Variants in AGO1 observed in about 807,000 individuals in gnomAD.
AGO1 encodes the protein protein argonaute-1.
Under a neutral mutation model 109.2 loss-of-function variants are expected in AGO1, and 11 were observed. That is an observed-to-expected ratio of 0.10 (90% CI 0.06 to 0.17). AGO1 has a LOEUF of 0.17. Among genes scored for constraint, AGO1 ranks in the 10% least tolerant of loss-of-function variants. The pLI is 1.00. For synonymous variants in AGO1, 422 were observed against 418.6 expected, an observed-to-expected ratio of 1.01 and a Z score of -0.10; for missense variants, 574 against 1,140.3, an observed-to-expected ratio of 0.50 and a Z score of 7.15.
chr1:35,918,563 T>G (rs1006498867), intron 17 of AGO1, 140 bp downstream of exon 17: 1 of 819,346 alleles, frequency 1.2e-6, no homozygotes, highest in African/African-American at 1.7e-5. Flanking sequence ...TTTGTTTTGT[T>G]TTGAGGCGGA....
In AGO1 at chr1:35,924,574, A is replaced by T. The variant is rs1645892407; in HGVS notation, c.*4967A>T. On this transcript the variant is annotated 3_prime_UTR_variant, in exon 19 of 19. Transcript: ENST00000373204. ...ATGATTAGCCAAATAGTCCCCTGGCATAGGAGGAAGATAATGAGGGAGTGG... is the reference window on the plus strand; with the variant it reads ...ATGATTAGCCAAATAGTCCCCTGGCTTAGGAGGAAGATAATGAGGGAGTGG... 1.3e-5 allele frequency: 2 copies of T among 152,172 alleles called. No homozygotes were observed. 9.4% of individuals were successfully genotyped at this position (152,172 alleles called of 1,614,324 possible).
rs201597629 is a variant in AGO1 at position 35,870,567 on chromosome 1, C to T, written c.-201+664C>T. Among the ~76,000 whole-genome samples the T allele has an allele frequency of 4.0e-3, 616 of 152,310 alleles. 2 individuals carry two copies. Among genetic ancestry groups the T allele is most frequent in the Middle Eastern group, 0.02 (6 of 294 alleles). On this transcript the variant is annotated intron_variant, in intron 1 of 18. Coordinates refer to the AGO1 transcript ENST00000373206. ...AAAGTGCTGGGATTACAGGCGTGAG[C>T]CACCGCGCCTGGCCATATGTATGTT... is the stretch of plus-strand genomic sequence containing the variant.
chr1:35,880,973 T>C (rs1243767709), upstream of AGO1, among the ~76,000 whole-genome samples: 1 of 152,182 alleles, frequency 6.6e-6, no homozygotes, highest in African/African-American at 2.4e-5. Flanking sequence ...GAAGTGTTTT[T>C]ATGTATTAAC....
Position 35,903,258 on chromosome 1 carries a change from G to A in AGO1, c.1397+921G>A, listed in dbSNP as rs186710264. 1.2e-3 allele frequency among the ~76,000 whole-genome samples: 180 copies of A among 151,606 alleles called. 2 individuals carry two copies. Among genetic ancestry groups the A allele is most frequent in the African/African-American group, 4.0e-3 (166 of 41,342 alleles). ...CCTGACCTCGTGATCCTCCTGCTTC[G>A]GTCTCCCAAAGTGCTGGGATTATAG... On this transcript the variant is annotated intron_variant, in intron 11 of 18. Transcript: ENST00000373204.
Position 35,918,014 on chromosome 1 carries a change from ACTC to A in AGO1, c.2163+293_2163+295del, listed in dbSNP as rs368313581. 2.5e-3 allele frequency among the ~76,000 whole-genome samples: 385 copies of A among 151,710 alleles called. 3 individuals are homozygous for A. The highest frequency in any genetic ancestry group is 8.8e-3 in the African/African-American group (363 of 41,342). On this transcript the variant is annotated intron_variant, in intron 16 of 18. Coordinates refer to ENST00000373204, the MANE Select transcript of AGO1 (RefSeq NM_012199.5). ...GGGGAAGGGAACTACCATTTATTGAACTCCTCCTATGTGCCAGATACTGTACAA... is the reference window on the plus strand; with the variant it reads ...GGGGAAGGGAACTACCATTTATTGAACTCCTATGTGCCAGATACTGTACAA...
At chr1:35,879,214 C>T (rs1198509522), upstream of AGO1, among the ~76,000 whole-genome samples, 2 of 152,190 alleles carry the variant, frequency 1.3e-5, no homozygotes, top group Admixed American at 1.3e-4. Flanking sequence ...CTTTGGGAGG[C>T]CGAGGCGGGT....
upstream of AGO1, among the ~76,000 whole-genome samples, chr1:35,881,980 G>C (rs1446922501): frequency 1.3e-5 from 2 of 152,222 alleles, no homozygotes; most frequent in African/African-American, 4.8e-5. Flanking sequence ...GAAACCATCA[G>C]AATGGCAGTG....
chr1:35,905,536 C>G (rs559121567), intron 11 of AGO1, among the ~76,000 whole-genome samples: 1 of 152,102 alleles, frequency 6.6e-6, no homozygotes, highest in African/African-American at 2.4e-5. Flanking sequence ...GGCGCAATCT[C>G]GGCTCACTGC....
In AGO1 at chr1:35,919,425, C is replaced by A; in HGVS notation, c.2466-74C>A. On this transcript the variant is annotated intron_variant, in intron 18 of 18. Coordinates refer to ENST00000373204, the MANE Select transcript of AGO1 (RefSeq NM_012199.5). The surrounding 1 kb of genome is among the most constrained non-coding windows in gnomAD (Gnocchi z 6.6). ...TTAAGTTGGTATGGGAATTGGCATC[C>A]CAGGGCTGGGCGAGGGAATTAGCAG... 1 of 1,509,580 alleles carries A rather than the reference C, an allele frequency of 6.6e-7. No homozygotes were observed. Among genetic ancestry groups the A allele is most frequent in the Non-Finnish European group, 9.0e-7 (1 of 1,109,918 alleles). 93.5% of individuals were successfully genotyped at this position (1,509,580 alleles called of 1,614,324 possible).
rs1207790449 is a variant in AGO1 at position 35,924,372 on chromosome 1, T to G, written c.*4765T>G. 1.3e-5 allele frequency: 2 copies of G among 152,626 alleles called. No individual in the cohort carries two copies. The highest frequency in any genetic ancestry group is 2.9e-5 in the Non-Finnish European group (2 of 68,062). The allele number at this position is 152,626 out of a possible 1,614,324, so 9.5% of individuals were successfully genotyped here. On this transcript the variant is annotated 3_prime_UTR_variant, in exon 19 of 19. Coordinates refer to ENST00000373204, the MANE Select transcript of AGO1 (RefSeq NM_012199.5). ...GACTGATTACATCTCTAATAGATTT[T>G]AGGTGAGAATAATACTGTAGATTGT...
At chr1:35,906,247 G>T (rs1237013460) in intron 11 of AGO1, among the ~76,000 whole-genome samples, 1 of 152,156 alleles carries the variant, frequency 6.6e-6, no homozygotes, top group Non-Finnish European at 1.5e-5. Flanking sequence ...CATCTCTTGT[G>T]CTCCCATCAC....
intron 12 of AGO1, among the ~76,000 whole-genome samples, chr1:35,907,525 C>T (rs1457818486): frequency 1.3e-5 from 2 of 152,092 alleles, no homozygotes; most frequent in Non-Finnish European, 2.9e-5. Context: ...ATTACTTGGA[C>T]TTTTTGAGAG....
In AGO1 at chr1:35,929,187, C is replaced by G. The variant is rs1305566237; in HGVS notation, c.*9580C>G. ...GGGTGTACATGTAGTCAGGAGAGAGCCTCATACAGCTTTGCCTTTGGCAGA... is the reference window on the plus strand; with the variant it reads ...GGGTGTACATGTAGTCAGGAGAGAGGCTCATACAGCTTTGCCTTTGGCAGA... On this transcript the variant is annotated 3_prime_UTR_variant, in exon 19 of 19. Coordinates refer to ENST00000373204, the MANE Select transcript of AGO1 (RefSeq NM_012199.5). 1 of 152,258 alleles carries G rather than the reference C, an allele frequency of 6.6e-6. No homozygotes were observed. Among genetic ancestry groups the G allele is most frequent in the Non-Finnish European group, 1.5e-5 (1 of 68,056 alleles). The allele number at this position is 152,258 out of a possible 1,614,324, so 9.4% of individuals were successfully genotyped here.
chr1:35,873,925 G>A (rs982457493), intron 1 of AGO1, among the ~76,000 whole-genome samples: 1 of 152,140 alleles, frequency 6.6e-6, no homozygotes, highest in African/African-American at 2.4e-5. Flanking sequence ...TTTACAAATT[G>A]AAGGTTTTTA....
At chr1:35,909,467 G>A (rs1056113821) in intron 12 of AGO1, among the ~76,000 whole-genome samples, 1 of 152,178 alleles carries the variant, frequency 6.6e-6, no homozygotes, top group Non-Finnish European at 1.5e-5. Context: ...TCTTGTCTGT[G>A]GTTTTCAGTC....
chr1:35,905,165 C>T (rs1392835290), intron 11 of AGO1, among the ~76,000 whole-genome samples: 2 of 152,110 alleles, frequency 1.3e-5, no homozygotes, highest in African/African-American at 4.8e-5. Context: ...AACGTCTTTC[C>T]TTGAAGTTGA....
chr1:35,914,637 C>T (rs1447376593), intron 14 of AGO1, among the ~76,000 whole-genome samples: 2 of 152,152 alleles, frequency 1.3e-5, no homozygotes, highest in Non-Finnish European at 2.9e-5. Context: ...TTGCTCTGCC[C>T]ATCCTCACCC....
chr1:35,901,637 A>G lies in AGO1; in HGVS notation c.1140+44A>G, dbSNP rs1219313911. 1 of 1,612,758 alleles carries G rather than the reference A, an allele frequency of 6.2e-7. No homozygotes were observed. The highest frequency in any genetic ancestry group is 1.1e-5 in the South Asian group (1 of 90,878). On this transcript the variant is annotated intron_variant, in intron 9 of 18. Coordinates refer to ENST00000373204, the MANE Select transcript of AGO1 (RefSeq NM_012199.5). The surrounding 1 kb of genome is among the most constrained non-coding windows in gnomAD (Gnocchi z 4.8). ...TTGCTCAGTCATTGGGGCCATTGGT[A>G]GCATAAATGTTTTAATGCCCCAGCA...
chr1:35,908,574 AG>A (rs1645570586), intron 12 of AGO1, among the ~76,000 whole-genome samples: 1 of 152,134 alleles, frequency 6.6e-6, no homozygotes, highest in Non-Finnish European at 1.5e-5. Flanking sequence ...TGAATAAAAC[AG>A]ATATAGTCTC....
Sources: allele counts gnomAD v4.1 joint callset (sites outside exome capture counted in the v4.1 genomes callset), GRCh38; gene constraint gnomAD v4.1.1; non-coding constraint Gnocchi (gnomAD v3.1); transcripts MANE v1.5; gene names NCBI Gene and HGNC (gene_info 2026-07-23, HGNC 2026-07-21).